Variants in PTPRD observed in about 807,000 individuals in gnomAD.
PTPRD encodes protein tyrosine phosphatase receptor type D, also known as receptor-type tyrosine-protein phosphatase delta.
In PTPRD, 34 loss-of-function variants were observed where a neutral mutation model predicts 214.5. The ratio of observed to expected loss-of-function variants is 0.16; its 90% CI spans 0.12 to 0.21. The LOEUF (loss-of-function observed/expected upper bound fraction) is 0.21, where lower values mean the gene tolerates loss of function less well. PTPRD is among the 10% of genes least tolerant of loss of function. The pLI, the probability that PTPRD is intolerant of heterozygous loss-of-function variation, is 1.00. For synonymous variants in PTPRD, 1,128 were observed against 845.7 expected (o/e 1.33, Z -5.79); for missense variants, 2,545 against 2,398.7 (o/e 1.06, Z -1.27).
At chr9:8,633,543 C>T (rs2096323905) in intron 13 of PTPRD, 85 bp from the exon 14 acceptor site, 5 of 1,447,174 alleles carry the variant, frequency 3.5e-6, no homozygotes, top group African/African-American at 2.9e-5. Context: ...GGTGGATCCG[C>T]CATTAGGCTC....
At chr9:10,421,439 C>A (rs2098544954) in intron 2 of PTPRD, among the ~76,000 whole-genome samples, 1 of 151,854 alleles carries the variant, frequency 6.6e-6, no homozygotes, top group African/African-American at 2.4e-5. Context: ...ATGAATTATA[C>A]TTCTTGGTAA....
intron 14 of PTPRD, among the ~76,000 whole-genome samples, chr9:8,544,826 T>C (rs1027755617): frequency 3.3e-5 from 5 of 151,832 alleles, no homozygotes; most frequent in Admixed American, 1.3e-4. Flanking sequence ...TATACATAAG[T>C]TGCATGATTT....
intron 2 of PTPRD, among the ~76,000 whole-genome samples, chr9:10,589,024 A>T (rs2074701017): frequency 1.3e-5 from 2 of 152,072 alleles, no homozygotes; most frequent in Non-Finnish European, 2.9e-5. Flanking sequence ...AAATGAATAT[A>T]TATTTGCTCA....
intron 6 of PTPRD, among the ~76,000 whole-genome samples, chr9:9,764,334 A>T (rs1363338727): frequency 6.6e-6 from 1 of 152,204 alleles, no homozygotes; most frequent in South Asian, 2.1e-4. Context: ...CATTCAAAAT[A>T]TGCTTGTGCA....
chr9:10,179,387 C>T (rs2099268619), intron 3 of PTPRD, among the ~76,000 whole-genome samples: 1 of 151,844 alleles, frequency 6.6e-6, no homozygotes, highest in East Asian at 1.9e-4. Context: ...TAGAAAACTT[C>T]AGTAAGATAT....
chr9:9,713,290 G>C (rs540903179), intron 7 of PTPRD, among the ~76,000 whole-genome samples: 79 of 152,190 alleles, frequency 5.2e-4, no homozygotes, highest in Non-Finnish European at 9.9e-4. Flanking sequence ...CAGAATCATA[G>C]ACCAAGAAAA....
intron 12 of PTPRD, among the ~76,000 whole-genome samples, chr9:8,662,188 G>A (rs562045188): frequency 2.2e-4 from 33 of 152,272 alleles, no homozygotes; most frequent in African/African-American, 7.7e-4. Flanking sequence ...AGTCACAACT[G>A]CATGTTTAAT....
intron 5 of PTPRD, among the ~76,000 whole-genome samples, chr9:9,937,693 G>T (rs1178669336): frequency 1.3e-5 from 2 of 152,012 alleles, no homozygotes; most frequent in Non-Finnish European, 2.9e-5. Flanking sequence ...TACTGTTGAT[G>T]AGTTTATCTT....
intron 2 of PTPRD, among the ~76,000 whole-genome samples, chr9:10,602,959 C>A (rs943462241): frequency 6.6e-6 from 1 of 151,772 alleles, no homozygotes; most frequent in African/African-American, 2.4e-5. Flanking sequence ...GCTATTCCAC[C>A]ATGCCTCTCA....
rs140828880 is a variant in PTPRD, at chr9:9,094,357, G to A, written c.-142-75622C>T. Among the ~76,000 whole-genome samples the A allele has an allele frequency of 3.8e-3, 573 of 152,216 alleles. 1 individual carries two copies. Among genetic ancestry groups the A allele is most frequent in the Non-Finnish European group, 6.2e-3 (422 of 68,004 alleles). ...CTCAGCCATAAAAAGGAACCAAATA[G>A]TGTATTTTGCAGCAGCTTGGATGGA... On this transcript the variant is annotated intron_variant, in intron 10 of 45. Coordinates refer to ENST00000381196, the MANE Select transcript of PTPRD (RefSeq NM_002839.4).
intron 7 of PTPRD, among the ~76,000 whole-genome samples, chr9:9,708,199 C>A (rs1313903160): frequency 7.1e-6 from 1 of 140,976 alleles, no homozygotes; most frequent in Non-Finnish European, 1.5e-5. Flanking sequence ...ACAGAAAGTT[C>A]TGCAGTTGCT....
intron 35 of PTPRD, among the ~76,000 whole-genome samples, chr9:8,423,584 G>C (rs1050008591): frequency 1.3e-5 from 2 of 152,130 alleles, no homozygotes; most frequent in African/African-American, 4.8e-5. Flanking sequence ...TGGTGAGCAA[G>C]TTTCCCCTTC....
intron 5 of PTPRD, among the ~76,000 whole-genome samples, chr9:9,802,219 T>C (rs1471395922): frequency 6.8e-6 from 1 of 146,798 alleles, no homozygotes; most frequent in Non-Finnish European, 1.5e-5. Flanking sequence ...ACTCCTGAAA[T>C]GCAAATGTAA....
At chr9:8,785,985 G>C (rs1432742999) in intron 11 of PTPRD, among the ~76,000 whole-genome samples, 1 of 152,044 alleles carries the variant, frequency 6.6e-6, no homozygotes. Flanking sequence ...AATTGCTACA[G>C]ATAGATAACA....
At chr9:8,751,145 T>G (rs890311655) in intron 11 of PTPRD, among the ~76,000 whole-genome samples, 6 of 152,206 alleles carry the variant, frequency 3.9e-5, no homozygotes, top group African/African-American at 1.4e-4. Flanking sequence ...TCAGCTGCCC[T>G]TCTCTGTTCC....
At chr9:9,604,868 T>A (rs565951615) in intron 7 of PTPRD, among the ~76,000 whole-genome samples, 1 of 151,738 alleles carries the variant, frequency 6.6e-6, no homozygotes, top group African/African-American at 2.4e-5. Flanking sequence ...AAAACTATTA[T>A]TAAAGAACAA....
chr9:10,091,948 A>ATACT (rs2098436250), intron 3 of PTPRD, among the ~76,000 whole-genome samples: 2 of 151,420 alleles, frequency 1.3e-5, no homozygotes, highest in Non-Finnish European at 3.0e-5. Flanking sequence ...TCAGAGTAGT[A>ATACT]GTACAGTACA....
At chr9:8,588,795 C>G (rs1007824945) in intron 14 of PTPRD, among the ~76,000 whole-genome samples, 1 of 152,090 alleles carries the variant, frequency 6.6e-6, no homozygotes, top group African/African-American at 2.4e-5. Flanking sequence ...CATCAACCAG[C>G]AGAAATAAGA....
chr9:8,440,605 G>C (rs957393761), intron 34 of PTPRD, among the ~76,000 whole-genome samples: 3 of 152,162 alleles, frequency 2.0e-5, no homozygotes, highest in African/African-American at 7.2e-5. Context: ...GGGCCGCTGC[G>C]CCCGACCCAT....
Sources: gnomAD v4.1 joint callset for allele counts (sites outside exome capture counted in the v4.1 genomes callset) on GRCh38, gnomAD v4.1.1 for gene constraint, MANE v1.5 for transcripts, NCBI Gene and HGNC (gene_info 2026-07-23, HGNC 2026-07-21) for gene names.